The following TRHDE variants were observed in gnomAD, a reference collection of about 807,000 sequenced individuals.
The protein encoded by TRHDE is thyrotropin-releasing hormone-degrading ectoenzyme.
TRHDE carries 72 observed loss-of-function variants against 125.7 expected under a neutral mutation model. The ratio of observed to expected loss-of-function variants is 0.57; its 90% CI spans 0.47 to 0.70. The LOEUF is 0.70. TRHDE is among the 30% of genes least tolerant of loss of function. TRHDE has a pLI of 0.00. For synonymous variants in TRHDE, 509 were observed against 509.1 expected, an observed-to-expected ratio of 1.00 and a Z score of 0.00; for missense variants, 1,110 against 1,327.1, an observed-to-expected ratio of 0.84 and a Z score of 2.54.
chr12:72,303,523 A>T (rs1257954453), intron 2 of TRHDE, among the ~76,000 whole-genome samples: 1 of 152,102 alleles, frequency 6.6e-6, no homozygotes, highest in Non-Finnish European at 1.5e-5. Context: ...TTCAAAATTC[A>T]CATTTGTGAA....
intron 3 of TRHDE, among the ~76,000 whole-genome samples, chr12:72,464,220 A>G (rs1180622127): frequency 6.6e-6 from 1 of 152,242 alleles, no homozygotes; most frequent in Non-Finnish European, 1.5e-5. Context: ...GGATGATGTT[A>G]AAGTGGATGA....
At chr12:72,532,854 T>C (rs144858298) in intron 6 of TRHDE, among the ~76,000 whole-genome samples, 2 of 150,998 alleles carry the variant, frequency 1.3e-5, no homozygotes, top group African/African-American at 4.8e-5. Context: ...ATATTATATA[T>C]GTGGTATTTA....
At position 72,513,709 on chromosome 12, in the gene TRHDE, A is replaced by T. The variant is rs182570965; in HGVS notation, c.1722+14074A>T. On this transcript the variant is annotated intron_variant, in intron 6 of 18. Transcript: ENST00000261180. ...CTTGAAGACACAGAGATTTTTTTTT[A>T]AAAGTACAAAATCTGGCTTTTGTCT... 2.0e-3 allele frequency among the ~76,000 whole-genome samples: 298 copies of T among 151,960 alleles called. 2 individuals carry two copies. Among genetic ancestry groups the T allele is most frequent in the African/African-American group, 6.2e-3 (258 of 41,472 alleles).
chr12:72,166,946 G>GTA (rs984719134), intron 2 of TRHDE, among the ~76,000 whole-genome samples: 2 of 151,150 alleles, frequency 1.3e-5, no homozygotes, highest in African/African-American at 4.9e-5. Context: ...GTGTGTGTGT[G>GTA]TGTGTGTCTC....
At chr12:72,269,408 C>T (rs1009506012), upstream of TRHDE, among the ~76,000 whole-genome samples, 1 of 152,038 alleles carries the variant, frequency 6.6e-6, no homozygotes, top group East Asian at 1.9e-4. Flanking sequence ...CCACTTGGGT[C>T]TGAAAAAATA....
At chr12:72,494,840 A>G (rs1405863001) in intron 5 of TRHDE, among the ~76,000 whole-genome samples, 1 of 152,042 alleles carries the variant, frequency 6.6e-6, no homozygotes, top group Non-Finnish European at 1.5e-5. Flanking sequence ...TCCTTGTGAG[A>G]TTTCACTTAC....
intron 2 of TRHDE, among the ~76,000 whole-genome samples, chr12:72,153,024 C>G (rs1270804719): frequency 6.6e-6 from 1 of 152,124 alleles, no homozygotes; most frequent in Non-Finnish European, 1.5e-5. Flanking sequence ...TCCATTTGGT[C>G]CTGGACTTTT....
chr12:72,379,666 T>C (rs755415434), intron 3 of TRHDE, among the ~76,000 whole-genome samples: 6 of 152,250 alleles, frequency 3.9e-5, no homozygotes, highest in African/African-American at 7.2e-5. Flanking sequence ...GGGGGTTCCA[T>C]GTAACTGTCA....
chr12:72,105,449 A>G (rs1422285511), intron 1 of TRHDE, among the ~76,000 whole-genome samples: 1 of 152,196 alleles, frequency 6.6e-6, no homozygotes, highest in Non-Finnish European at 1.5e-5. Context: ...AAGAAAGTGG[A>G]GGAAAAGTAA....
chr12:72,512,852 G>A (rs547755204), intron 6 of TRHDE, among the ~76,000 whole-genome samples: 8 of 151,586 alleles, frequency 5.3e-5, no homozygotes, highest in African/African-American at 1.9e-4. Flanking sequence ...TTTACAGAAA[G>A]AACACTTGGA....
chr12:72,488,480 C>A (rs1015947006), intron 5 of TRHDE, among the ~76,000 whole-genome samples: 4 of 151,884 alleles, frequency 2.6e-5, no homozygotes, highest in Admixed American at 2.6e-4. Flanking sequence ...TGTGTATGCA[C>A]CCAACACTGG....
chr12:72,633,361 A>G (rs963536533), intron 15 of TRHDE, among the ~76,000 whole-genome samples: 3 of 152,106 alleles, frequency 2.0e-5, no homozygotes, highest in African/African-American at 7.2e-5. Flanking sequence ...GAACATATTC[A>G]GATAATTTTA....
At chr12:72,571,974 AACACACACACACACAC>A (rs59206098) in intron 10 of TRHDE, among the ~76,000 whole-genome samples, 22 of 127,516 alleles carry the variant, frequency 1.7e-4, no homozygotes, top group Admixed American at 5.9e-4. Flanking sequence ...TGACTCTGCA[AACACACACACACACAC>A]ACACACACAC....
chr12:72,663,397 T>G lies in TRHDE; in HGVS notation c.*202T>G. The G allele has an allele frequency of 2.5e-6, 1 of 405,478 alleles. No homozygotes were observed. Among genetic ancestry groups the G allele is most frequent in the Non-Finnish European group, 4.4e-6 (1 of 229,242 alleles). The allele number at this position is 405,478 out of a possible 1,614,324, so 25.1% of individuals were successfully genotyped here. A position where few individuals can be genotyped will look rare whatever the true frequency, so the allele number is the denominator to read the frequency against. ...CATTCATTCTGTTCTGTTTCTCTAC[T>G]GGGTGTTCCTCTCTAAAGAAACTCT... is the stretch of plus-strand genomic sequence containing the variant. On this transcript the variant is annotated 3_prime_UTR_variant, in exon 19 of 19. Coordinates refer to ENST00000261180, the MANE Select transcript of TRHDE (RefSeq NM_013381.3).
At chr12:72,293,997 C>A (rs1880190582) in intron 2 of TRHDE, among the ~76,000 whole-genome samples, 1 of 152,076 alleles carries the variant, frequency 6.6e-6, no homozygotes, top group African/African-American at 2.4e-5. Context: ...GGGCACTGGA[C>A]CAGGTGCACC....
chr12:72,097,792 C>T (rs1164582954), intron 1 of TRHDE, among the ~76,000 whole-genome samples: 2 of 152,022 alleles, frequency 1.3e-5, no homozygotes, highest in African/African-American at 4.8e-5. Context: ...CCTTCACTTT[C>T]ATTCCTTTTT....
chr12:72,233,468 T>A (rs1358313010), intron 2 of TRHDE, among the ~76,000 whole-genome samples: 1 of 152,118 alleles, frequency 6.6e-6, no homozygotes, highest in African/African-American at 2.4e-5. Flanking sequence ...ACACAGGTGT[T>A]ACAGTGACAT....
intron 2 of TRHDE, among the ~76,000 whole-genome samples, chr12:72,197,041 C>G (rs1312810208): frequency 6.6e-6 from 1 of 152,070 alleles, no homozygotes; most frequent in African/African-American, 2.4e-5. Flanking sequence ...TTGCAAAATT[C>G]AACAGTCAAT....
chr12:72,569,410 C>T (rs1000136232), intron 10 of TRHDE, among the ~76,000 whole-genome samples: 1 of 152,088 alleles, frequency 6.6e-6, no homozygotes, highest in East Asian at 1.9e-4. Flanking sequence ...TTTCTTACTC[C>T]TTCCTCAGAT....
Sources: gnomAD v4.1 joint callset for allele counts (sites outside exome capture counted in the v4.1 genomes callset) on GRCh38, gnomAD v4.1.1 for gene constraint, MANE v1.5 for transcripts, NCBI Gene and HGNC (gene_info 2026-07-23, HGNC 2026-07-21) for gene names.